PRKCQ: variants seen among roughly 807,000 people sequenced by gnomAD.
PRKCQ encodes the protein protein kinase C theta.
In PRKCQ, 41 loss-of-function variants were observed where a neutral mutation model predicts 91.2. The ratio of observed to expected loss-of-function variants is 0.45; its 90% CI spans 0.35 to 0.58. The LOEUF (loss-of-function observed/expected upper bound fraction) is 0.58, where lower values mean the gene tolerates loss of function less well. Among genes scored for constraint, PRKCQ ranks in the 20% least tolerant of loss-of-function variants. The pLI, the probability that PRKCQ is intolerant of heterozygous loss-of-function variation, is 0.00. For missense variants in PRKCQ, 673 were observed against 896.5 expected (o/e 0.75, Z 3.18); for synonymous variants, 307 against 316.9 (o/e 0.97, Z 0.33).
chr10:6,416,418 G>T, the PRKCQ span, among the ~76,000 whole-genome samples: 2 of 152,004 alleles, frequency 1.3e-5, no homozygotes, highest in Non-Finnish European at 2.9e-5. Context: ...TTATGCCTTT[G>T]CATCCTCATA....
Position 6,428,364 on chromosome 10 carries a change from T to C in PRKCQ, c.1966-2A>G. 6.2e-7 allele frequency: 1 copy of C among 1,612,314 alleles called. No homozygotes were observed. The highest frequency in any genetic ancestry group is 2.2e-5 in the East Asian group (1 of 44,866). On this transcript the variant is annotated splice_acceptor_variant, in intron 17 of 17. Coordinates refer to ENST00000263125, the MANE Select transcript of PRKCQ (RefSeq NM_006257.5). LOFTEE classifies it high-confidence loss of function. ...ATTGCTGCAGTCAAATGGTGATTTC[T>C]TAGTCAGAGTTTAAGGGAAGAAAGA...
At chr10:6,485,104 T>G (rs1246898427) in intron 10 of PRKCQ, 48 bp downstream of exon 10, 7 of 1,508,268 alleles carry the variant, frequency 4.6e-6, no homozygotes, top group South Asian at 1.1e-5. Context: ...TTAGGGTTAA[T>G]TGAGATTAAT....
intron 7 of PRKCQ, among the ~76,000 whole-genome samples, chr10:6,494,188 C>T (rs1346551806): frequency 2.0e-5 from 3 of 152,348 alleles, no homozygotes; most frequent in Middle Eastern, 3.4e-3. Flanking sequence ...CCACACCCAT[C>T]CCCATCAGCA....
intron 1 of PRKCQ, among the ~76,000 whole-genome samples, chr10:6,545,966 T>C (rs551012413): frequency 2.0e-5 from 3 of 151,906 alleles, no homozygotes; most frequent in Non-Finnish European, 1.5e-5. Flanking sequence ...ATTGTGCCAC[T>C]GCACTCCAGC....
At chr10:6,532,086 A>G (rs1310407051) in intron 1 of PRKCQ, among the ~76,000 whole-genome samples, 1 of 152,172 alleles carries the variant, frequency 6.6e-6, no homozygotes, top group Non-Finnish European at 1.5e-5. Flanking sequence ...GAGTATTAAT[A>G]TTACATATGC....
chr10:6,538,753 C>T (rs1177215706), intron 1 of PRKCQ, among the ~76,000 whole-genome samples: 3 of 152,156 alleles, frequency 2.0e-5, no homozygotes, highest in Non-Finnish European at 4.4e-5. Flanking sequence ...TTACCTATTT[C>T]CATACTCTCT....
chr10:6,433,195 A>G (rs944714), intron 16 of PRKCQ, among the ~76,000 whole-genome samples: 86,624 of 152,144 alleles, frequency 0.57, 28,933 homozygotes, highest in East Asian at 0.78. Context: ...CCCAGTTGTC[A>G]GCTGAGGAAG....
At chr10:6,564,372 C>A (rs4750617) in intron 1 of PRKCQ, among the ~76,000 whole-genome samples, 133,626 of 152,050 alleles carry the variant, frequency 0.88, 60,202 homozygotes, top group East Asian at 1. Flanking sequence ...AAGGCAGCTG[C>A]TGCAGCCTAT....
intron 1 of PRKCQ, among the ~76,000 whole-genome samples, chr10:6,559,475 C>T (rs903629310): frequency 6.6e-6 from 1 of 152,142 alleles, no homozygotes; most frequent in African/African-American, 2.4e-5. Context: ...TCTCCTGCCT[C>T]AGCCTCCTGA....
At chr10:6,436,033 G>A (rs1240824825) in intron 16 of PRKCQ, among the ~76,000 whole-genome samples, 1 of 152,186 alleles carries the variant, frequency 6.6e-6, no homozygotes, top group African/African-American at 2.4e-5. Context: ...AGAATTGCTT[G>A]AGCCTGGGAA....
chr10:6,560,210 T>C (rs1335842076), intron 1 of PRKCQ, among the ~76,000 whole-genome samples: 4 of 152,200 alleles, frequency 2.6e-5, no homozygotes, highest in Admixed American at 2.0e-4. Flanking sequence ...ATCTCAGCAG[T>C]GCTTGCATTT....
intron 2 of PRKCQ, among the ~76,000 whole-genome samples, chr10:6,514,646 AAT>A (rs1838660877): frequency 6.6e-6 from 1 of 152,252 alleles, no homozygotes; most frequent in Non-Finnish European, 1.5e-5. Context: ...ATGCAGTCTT[AAT>A]CTACCTAGAC....
At chr10:6,443,355 A>G (rs548063332) in intron 15 of PRKCQ, among the ~76,000 whole-genome samples, 11 of 152,254 alleles carry the variant, frequency 7.2e-5, no homozygotes, top group Non-Finnish European at 1.2e-4. Context: ...TAGAGGAGAC[A>G]GCTGCACTTG....
rs975971186 is a variant in PRKCQ at position 6,465,254 on chromosome 10, T to A, written c.1354-850A>T. Among the ~76,000 whole-genome samples, 1 of 152,114 alleles carries A rather than the reference T, an allele frequency of 6.6e-6. No individual in the cohort carries two copies. On this transcript the variant is annotated intron_variant, in intron 12 of 17. Coordinates refer to ENST00000263125, the MANE Select transcript of PRKCQ (RefSeq NM_006257.5). The surrounding 1 kb of genome is among the most constrained non-coding windows in gnomAD (Gnocchi z 4.4). Reference sequence around the variant, plus strand: ...CCTCCCTGAAGCTTGCAATCAAGTTTAACCTTATTTTTCTCCAGTCCTGAC... The same window carrying A: ...CCTCCCTGAAGCTTGCAATCAAGTTAAACCTTATTTTTCTCCAGTCCTGAC...
At chr10:6,488,948 AT>A (rs963318952) in intron 8 of PRKCQ, among the ~76,000 whole-genome samples, 1 of 150,772 alleles carries the variant, frequency 6.6e-6, no homozygotes, top group African/African-American at 2.4e-5. Context: ...CACCCGACTA[AT>A]TTTTTTATTT....
the PRKCQ span, among the ~76,000 whole-genome samples, chr10:6,402,445 G>A: frequency 2.0e-5 from 3 of 149,094 alleles, no homozygotes; most frequent in African/African-American, 7.5e-5. Flanking sequence ...CCTACCATGT[G>A]TGAAGCACTG....
Position 6,498,432 on chromosome 10 carries a change from T to G in PRKCQ, c.506A>C (p.Gln169Pro). The G allele has an allele frequency of 6.2e-7, 1 of 1,614,152 alleles. No individual in the cohort carries two copies. ...GTGGCAGACAGAGCAAAATGTGGGC[T>G]GTGGGAAGAAGGTGGCAGTGAACTC... ...CHEFTATFFP[Q>P]PTFCSVCHEF... Residue 169 changes from glutamine to proline, a missense_variant, in exon 5 of 18, where the codon CAG becomes CCG. Physicochemically the swap from Gln to Pro is moderately conservative, Grantham distance 76 (BLOSUM62 -1). Coordinates refer to ENST00000263125, the MANE Select transcript of PRKCQ (RefSeq NM_006257.5).
intron 16 of PRKCQ, among the ~76,000 whole-genome samples, 199 bp from the exon 17 acceptor site, chr10:6,431,137 C>G (rs965442239): frequency 6.6e-6 from 1 of 152,160 alleles, no homozygotes; most frequent in African/African-American, 2.4e-5. Context: ...GAGTCTGACA[C>G]GTTATCTTCT....
intron 1 of PRKCQ, among the ~76,000 whole-genome samples, chr10:6,573,930 A>G (rs1841132345): frequency 6.6e-6 from 1 of 152,200 alleles, no homozygotes; most frequent in South Asian, 2.1e-4. Context: ...TAGCCTGGGC[A>G]ACATGACAAA....
Sources: allele counts gnomAD v4.1 joint callset (sites outside exome capture counted in the v4.1 genomes callset), GRCh38; gene constraint gnomAD v4.1.1; non-coding constraint Gnocchi (gnomAD v3.1); transcripts MANE v1.5; gene names NCBI Gene and HGNC (gene_info 2026-07-23, HGNC 2026-07-21).